Variants in AMDHD2 observed in about 807,000 individuals in gnomAD.
The protein encoded by AMDHD2 is N-acetylglucosamine-6-phosphate deacetylase.
Under a neutral mutation model 41.8 loss-of-function variants are expected in AMDHD2, and 24 were observed. That is an observed-to-expected ratio of 0.57 (90% CI 0.42 to 0.81). The LOEUF is 0.81. Among genes scored for constraint, AMDHD2 ranks in the 30% least tolerant of loss-of-function variants. AMDHD2 has a pLI of 0.00. For missense variants in AMDHD2, 540 were observed against 588.5 expected, an observed-to-expected ratio of 0.92 and a Z score of 0.85; for synonymous variants, 332 against 255.5, an observed-to-expected ratio of 1.30 and a Z score of -2.85.
In AMDHD2 at chr16:2,528,156, C is replaced by G; in HGVS notation, c.717+8C>G. ...TTCAACGCCATGCTGCCTGTGAGTG[C>G]TATGGGGCCCCAGGGGCGGGGCTGG... On this transcript the variant is annotated splice_region_variant and intron_variant, in intron 6 of 10. Coordinates refer to ENST00000293971, the MANE Select transcript of AMDHD2 (RefSeq NM_001330449.2). The G allele has an allele frequency of 6.2e-7, 1 of 1,612,904 alleles. No homozygotes were observed.
rs1447512068 is a variant in AMDHD2 at position 2,520,658 on chromosome 16, G to A, written c.84-111G>A. ...GGGACAGGGCGGGGTGCAGGGTGCG[G>A]GGCCGGGGACCGGGCGGGGTGCAGG... On this transcript the variant is annotated intron_variant, in intron 1 of 10. Coordinates refer to ENST00000293971, the MANE Select transcript of AMDHD2 (RefSeq NM_001330449.2). 5.1e-5 allele frequency: 65 copies of A among 1,281,366 alleles called. No homozygotes were observed. The East Asian group carries it at 2.1e-3, about 41-fold the overall frequency. 79.4% of individuals were successfully genotyped at this position (1,281,366 alleles called of 1,614,324 possible). A position where few individuals can be genotyped will look rare whatever the true frequency, so the allele number is the denominator to read the frequency against.
chr16:2,528,134 A>C lies in AMDHD2; in HGVS notation c.703A>C (p.Asn235His). The C allele has an allele frequency of 6.2e-7, 1 of 1,613,054 alleles. No homozygotes were observed. ...AGCCACCTTCATCACCCACCTCTTC[A>C]ACGCCATGCTGCCTGTGAGTGCTAT... is the stretch of plus-strand genomic sequence containing the variant. ...SGATFITHLFNAMLPFHHRDP... is the reference protein window; with the variant it reads ...SGATFITHLFHAMLPFHHRDP... The change falls in exon 6 of 11, where the codon AAC (asparagine) becomes CAC (histidine). Residue 235 changes from asparagine (N) to histidine (H), a missense_variant. Physicochemically the swap from Asn to His is moderately conservative, Grantham distance 68. Transcript: ENST00000293971.
chr16:2,521,600 C>G (rs1156316506), intron 3 of AMDHD2, among the ~76,000 whole-genome samples: 5 of 152,102 alleles, frequency 3.3e-5, no homozygotes, highest in Admixed American at 2.6e-4. Context: ...TCTTTCCTGC[C>G]CGGAAGAAAT....
chr16:2,522,119 T>C (rs918740891), intron 3 of AMDHD2, among the ~76,000 whole-genome samples: 11 of 152,128 alleles, frequency 7.2e-5, no homozygotes, highest in Non-Finnish European at 1.2e-4. Context: ...GGTTTCTCTC[T>C]GTGGCCCAGG....
chr16:2,525,132 C>T (rs1225973708), intron 3 of AMDHD2, among the ~76,000 whole-genome samples: 1 of 151,846 alleles, frequency 6.6e-6, no homozygotes, highest in African/African-American at 2.4e-5. Flanking sequence ...TCTCTGCTCA[C>T]TGCAACCTCT....
At chr16:2,525,591 C>G (rs977641532) in intron 3 of AMDHD2, among the ~76,000 whole-genome samples, 5 of 152,174 alleles carry the variant, frequency 3.3e-5, no homozygotes. Flanking sequence ...GTCACCCAGG[C>G]TGGAGTGCAG....
At position 2,528,110 on chromosome 16, in the gene AMDHD2, G is replaced by T; in HGVS notation, c.679G>T (p.Ala227Ser). Reference sequence around the variant, plus strand: ...GGCAGAGGATGCTGTGTGGAGCGGAGCCACCTTCATCACCCACCTCTTCAA... The same window carrying T: ...GGCAGAGGATGCTGTGTGGAGCGGATCCACCTTCATCACCCACCTCTTCAA... ...RAAEDAVWSGATFITHLFNAM... is the reference protein window; with the variant it reads ...RAAEDAVWSGSTFITHLFNAM... The change falls in exon 6 of 11, where the codon GCC becomes TCC. Residue 227 changes from alanine (A) to serine (S), a missense_variant. By Grantham distance (99) the Ala-to-Ser change is moderately conservative. Coordinates refer to ENST00000293971, the MANE Select transcript of AMDHD2 (RefSeq NM_001330449.2). The T allele has an allele frequency of 6.2e-7, 1 of 1,613,068 alleles. No individual in the cohort carries two copies. The highest frequency in any genetic ancestry group is 2.2e-5 in the East Asian group (1 of 44,880).
Position 2,527,983 on chromosome 16 carries a change from T to G in AMDHD2, c.626T>G (p.Leu209Arg). Residue 209 changes from leucine (L) to arginine (R), a missense_variant and splice_region_variant, in exon 5 of 11, where the codon CTA (leucine) becomes CGA (arginine). Transcript: ENST00000293971. The surrounding 1 kb of genome is among the most constrained non-coding windows in gnomAD (Gnocchi z 6.1). ...ALTARGICVSLGHSVADLRAA... is the reference protein window; with the variant it reads ...ALTARGICVSRGHSVADLRAA... The stretch of plus-strand genomic sequence containing the variant: ...ACGGCCCGTGGCATCTGCGTGTCCC[T>G]AGGTGAGGGGCCGGCTCGGGGTGGG... 6.2e-7 allele frequency: 1 copy of G among 1,606,352 alleles called. No homozygotes were observed. Among genetic ancestry groups the G allele is most frequent in the African/African-American group, 1.3e-5 (1 of 75,006 alleles).
chr16:2,522,006 G>A lies in AMDHD2; in HGVS notation c.360+883G>A, dbSNP rs542205803. Among the ~76,000 whole-genome samples, 183 of 152,032 alleles carry A rather than the reference G, an allele frequency of 1.2e-3. 2 individuals carry two copies. The highest frequency in any genetic ancestry group is 3.8e-3 in the African/African-American group (159 of 41,472). On this transcript the variant is annotated intron_variant, in intron 3 of 10. Transcript: ENST00000293971. ...TCACCGTGTTAGCCAGGATGGTCTCGATCTCCTGACCTCGTGATCCGCCCG... is the reference window on the plus strand; with the variant it reads ...TCACCGTGTTAGCCAGGATGGTCTCAATCTCCTGACCTCGTGATCCGCCCG...
rs1394009245 is a variant in AMDHD2, at chr16:2,530,906, C to T, written c.*1343C>T. The T allele has an allele frequency of 1.2e-6, 2 of 1,613,560 alleles. No homozygotes were observed. The highest frequency in any genetic ancestry group is 1.1e-5 in the South Asian group (1 of 91,088). ...CCACCTCTGCCTTGACGGCCGCGCA[C>T]CCCTTAGGAAGTGGCTGTCCAGCGC... On this transcript the variant is annotated 3_prime_UTR_variant, in exon 11 of 11. Coordinates refer to ENST00000293971, the MANE Select transcript of AMDHD2 (RefSeq NM_001330449.2).
chr16:2,521,884 A>T (rs1567127551), intron 3 of AMDHD2, among the ~76,000 whole-genome samples: 1 of 145,760 alleles, frequency 6.9e-6, no homozygotes, highest in Non-Finnish European at 1.5e-5. Context: ...CCCAGGGTTC[A>T]CGCCATTCTC....
Position 2,529,299 on chromosome 16 carries a change from G to A in AMDHD2, c.1142-176G>A, listed in dbSNP as rs569487299. 3.5e-5 allele frequency: 40 copies of A among 1,134,388 alleles called. 1 individual carries two copies. In the South Asian group the frequency reaches 4.8e-4, roughly 14 times the overall value. 70.3% of individuals were successfully genotyped at this position (1,134,388 alleles called of 1,614,324 possible). On this transcript the variant is annotated intron_variant, in intron 10 of 10. Transcript: ENST00000293971. ...GTGTTGCAGACAAGGCCAGGCAAGGGGTTGCAGGGAGCATTGTCCAGTACC... is the reference window on the plus strand; with the variant it reads ...GTGTTGCAGACAAGGCCAGGCAAGGAGTTGCAGGGAGCATTGTCCAGTACC...
Position 2,529,075 on chromosome 16 carries a change from T to C in AMDHD2, c.1121T>C (p.Leu374Pro), listed in dbSNP as rs773672542. ...GGGCTGGAGAAGAGTAAGGGGACCC[T>C]GGACTTTGGTGCTGACGCAGGTGAG... ...LLGLEKSKGT[L>P]DFGADADFVV... Residue 374 changes from leucine to proline, a missense_variant, in exon 10 of 11, where the codon CTG (leucine) becomes CCG (proline). Coordinates refer to ENST00000293971, the MANE Select transcript of AMDHD2 (RefSeq NM_001330449.2). The C allele has an allele frequency of 4.4e-6, 7 of 1,591,210 alleles. No homozygotes were observed. Among genetic ancestry groups the C allele is most frequent in the South Asian group, 2.3e-5 (2 of 87,774 alleles).
intron 3 of AMDHD2, among the ~76,000 whole-genome samples, chr16:2,522,478 C>A (rs945719702): frequency 3.9e-5 from 6 of 152,046 alleles, no homozygotes; most frequent in Non-Finnish European, 7.4e-5. Flanking sequence ...GAGATCGAGA[C>A]CATCTTGGCT....
In AMDHD2 at chr16:2,531,172, C is replaced by G; in HGVS notation, c.*1609C>G. 6.9e-7 allele frequency: 1 copy of G among 1,456,664 alleles called. No individual in the cohort carries two copies. Among genetic ancestry groups the G allele is most frequent in the Non-Finnish European group, 9.2e-7 (1 of 1,088,444 alleles). The allele number at this position is 1,456,664 out of a possible 1,614,324, so 90.2% of individuals were successfully genotyped here. The stretch of plus-strand genomic sequence containing the variant: ...GCCCTGGGCCAGCCTTTGGGCCTGG[C>G]CTGCCCCATTCACCGGCCAGCGCCC... On this transcript the variant is annotated 3_prime_UTR_variant, in exon 11 of 11. Coordinates refer to ENST00000293971, the MANE Select transcript of AMDHD2 (RefSeq NM_001330449.2).
intron 9 of AMDHD2, 50 bp downstream of exon 9, chr16:2,528,768 C>A: frequency 6.2e-7 from 1 of 1,601,378 alleles, no homozygotes; most frequent in Non-Finnish European, 8.5e-7. Flanking sequence ...AGTGGTGGGT[C>A]CCCAAGGGGC....
rs1235897767 is a variant in AMDHD2 at position 2,527,843 on chromosome 16, C to A, written c.486C>A (p.Ser162=). ...CGCACCCCGAGGCCCACCTCCGCTC[C>A]TTCGAGGCCGATGCCTTCCAGGACT... The part of the protein sequence containing the change: ...RGAHPEAHLR[S]FEADAFQDLL... The change falls in exon 5 of 11, where the codon TCC becomes TCA. Residue 162 remains serine (S), a synonymous_variant. Coordinates refer to ENST00000293971, the MANE Select transcript of AMDHD2 (RefSeq NM_001330449.2). This position sits in a 1 kb window ranked among gnomAD's most constrained non-coding sequence, Gnocchi z 6.1. The A allele has an allele frequency of 1.3e-6, 2 of 1,597,212 alleles. No homozygotes were observed. The highest frequency in any genetic ancestry group is 1.7e-6 in the Non-Finnish European group (2 of 1,178,812).
At chr16:2,525,666 T>G (rs945501188) in intron 3 of AMDHD2, among the ~76,000 whole-genome samples, 7 of 152,200 alleles carry the variant, frequency 4.6e-5, no homozygotes, top group Non-Finnish European at 7.3e-5. Context: ...TACCTCAGCC[T>G]CCCAGGTAGC....
intron 10 of AMDHD2, 111 bp from the exon 11 acceptor site, chr16:2,529,364 C>G: frequency 6.6e-7 from 1 of 1,516,824 alleles, no homozygotes; most frequent in Non-Finnish European, 9.0e-7. Context: ...TTGCACTAGT[C>G]GTGTCCCTGG....
Sources: allele counts gnomAD v4.1 joint callset (sites outside exome capture counted in the v4.1 genomes callset), GRCh38; gene constraint gnomAD v4.1.1; non-coding constraint Gnocchi (gnomAD v3.1); transcripts MANE v1.5; gene names NCBI Gene and HGNC (gene_info 2026-07-23, HGNC 2026-07-21).